The following TCF24 variants were observed in gnomAD, a reference collection of about 807,000 sequenced individuals.
TCF24 encodes transcription factor 24.
In TCF24, 5 loss-of-function variants were observed where a neutral mutation model predicts 9.3. The ratio of observed to expected loss-of-function variants is 0.54; its 90% CI spans 0.28 to 1.13. TCF24 has a LOEUF of 1.13. Ranked by LOEUF, TCF24 falls within the 50% of genes most tolerant of loss-of-function variation. The pLI, the probability that TCF24 is intolerant of heterozygous loss-of-function variation, is 0.09. For synonymous variants in TCF24, 110 were observed against 115.8 expected (o/e 0.95, Z 0.32); for missense variants, 220 against 236.1 (o/e 0.93, Z 0.45).
chr8:66,957,417 CAAA>C (rs60795431), intron 3 of TCF24, among the ~76,000 whole-genome samples: 25 of 108,498 alleles, frequency 2.3e-4, no homozygotes, highest in Admixed American at 2.9e-4. Flanking sequence ...AACTCCATAT[CAAA>C]AAAAAAAAAA....
At chr8:66,959,496 A>G (rs1396626704) in intron 3 of TCF24, among the ~76,000 whole-genome samples, 3 of 152,238 alleles carry the variant, frequency 2.0e-5, no homozygotes, top group African/African-American at 4.8e-5. Context: ...AATTATGTAC[A>G]TAACATCTCT....
rs548118608 is a variant in TCF24 at position 66,961,460 on chromosome 8, G to C, written c.306C>G (p.Thr102=). 8 of 1,528,604 alleles carry C rather than the reference G, an allele frequency of 5.2e-6. 1 individual carries two copies. The Admixed American group carries it at 1.4e-4, about 26-fold the overall frequency. The allele number at this position is 1,528,604 out of a possible 1,614,324, so 94.7% of individuals were successfully genotyped here. The part of the protein sequence containing the change: ...LLATTYIAHL[T]RSLQDDAEAP... ...CCTCGGCGTCGTCCTGCAGGCTGCG[G>C]GTGAGATGCGCGATGTAGGTGGTGG... Residue 102 remains threonine, a synonymous_variant, in exon 3 of 4, where the codon ACC becomes ACG. Transcript: ENST00000563496.
At position 66,961,635 on chromosome 8, in the gene TCF24, C is replaced by G. The variant is rs998913206; in HGVS notation, c.131G>C (p.Arg44Pro). 1 of 1,257,316 alleles carries G rather than the reference C, an allele frequency of 8.0e-7. No homozygotes were observed. 77.9% of individuals were successfully genotyped at this position (1,257,316 alleles called of 1,614,324 possible). Reference protein sequence around the residue: ...PGPAGPGGGSRSGSGRPAAAN... With the variant: ...PGPAGPGGGSPSGSGRPAAAN... Reference sequence around the variant, plus strand: ...CGCCGCCGGCCGCCCGCTCCCGGAACGCGAGCCGCCCCCAGGGCCCGCCGG... The same window carrying G: ...CGCCGCCGGCCGCCCGCTCCCGGAAGGCGAGCCGCCCCCAGGGCCCGCCGG... Residue 44 changes from arginine to proline, a missense_variant, in exon 3 of 4, where the codon CGT becomes CCT. Physicochemically the swap from Arg to Pro is moderately radical, Grantham distance 103 (BLOSUM62 -2). Transcript: ENST00000563496.
At position 66,946,788 on chromosome 8, in the gene TCF24, A is replaced by G. The variant is rs368829325; in HGVS notation, c.*1263T>C. On this transcript the variant is annotated 3_prime_UTR_variant, in exon 4 of 4. Transcript: ENST00000563496. The stretch of plus-strand genomic sequence containing the variant: ...TAACTATTTAACAGGATGACTTAGA[A>G]ATCTAATTATTCAACACATAGTTTT... The G allele has an allele frequency of 7.9e-5, 12 of 152,356 alleles. No individual in the cohort carries two copies. The highest frequency in any genetic ancestry group is 2.9e-4 in the African/African-American group (12 of 41,590). 9.4% of individuals were successfully genotyped at this position (152,356 alleles called of 1,614,324 possible).
At chr8:66,954,343 A>G (rs1321917342) in intron 3 of TCF24, among the ~76,000 whole-genome samples, 2 of 151,208 alleles carry the variant, frequency 1.3e-5, no homozygotes, top group Non-Finnish European at 2.9e-5. Context: ...GTCTGTTGGA[A>G]TACCCTGCCG....
At chr8:66,955,945 T>C (rs968432235) in intron 3 of TCF24, among the ~76,000 whole-genome samples, 19 of 152,282 alleles carry the variant, frequency 1.2e-4, no homozygotes, top group African/African-American at 4.6e-4. Context: ...ATTATTTTTT[T>C]TTATGAGACA....
chr8:66,956,921 C>A (rs535945802), intron 3 of TCF24, among the ~76,000 whole-genome samples: 1 of 151,594 alleles, frequency 6.6e-6, no homozygotes, highest in Non-Finnish European at 1.5e-5. Flanking sequence ...AGAGGAGAAT[C>A]GGGCCGGGGG....
chr8:66,961,361 G>A lies in TCF24; in HGVS notation c.390+15C>T. ...GGTCTCGGCCCCAGCCCCGCGGTGC[G>A]CCCCGCCCGCTTACCTTGACCGGGT... is the stretch of plus-strand genomic sequence containing the variant. On this transcript the variant is annotated intron_variant, in intron 3 of 3. Transcript: ENST00000563496. 1 of 1,451,956 alleles carries A rather than the reference G, an allele frequency of 6.9e-7. No individual in the cohort carries two copies. Among genetic ancestry groups the A allele is most frequent in the Non-Finnish European group, 9.0e-7 (1 of 1,108,972 alleles). The allele number at this position is 1,451,956 out of a possible 1,614,324, so 89.9% of individuals were successfully genotyped here. A position where few individuals can be genotyped will look rare whatever the true frequency, so the allele number is the denominator to read the frequency against.
intron 3 of TCF24, 113 bp downstream of exon 3, chr8:66,961,263 T>C: frequency 7.8e-7 from 1 of 1,284,374 alleles, no homozygotes; most frequent in Non-Finnish European, 9.9e-7. Flanking sequence ...CCCGGTCGGC[T>C]TCCCGCCTCA....
chr8:66,955,369 A>G (rs1477173042), intron 3 of TCF24, among the ~76,000 whole-genome samples: 1 of 151,042 alleles, frequency 6.6e-6, no homozygotes, highest in Non-Finnish European at 1.5e-5. Flanking sequence ...TTTTTTTACT[A>G]CAGAGAGGGA....
chr8:66,950,513 G>A (rs1314609623), intron 3 of TCF24, among the ~76,000 whole-genome samples: 1 of 152,134 alleles, frequency 6.6e-6, no homozygotes, highest in Non-Finnish European at 1.5e-5. Flanking sequence ...ATAGTTTGAA[G>A]TCAGGTAGTG....
At chr8:66,957,382 A>G (rs1814175016) in intron 3 of TCF24, among the ~76,000 whole-genome samples, 1 of 145,244 alleles carries the variant, frequency 6.9e-6, no homozygotes, top group Non-Finnish European at 1.5e-5. Context: ...ACACCACTGC[A>G]CTCCAGCTTA....
At chr8:66,951,400 A>T (rs1192153125) in intron 3 of TCF24, among the ~76,000 whole-genome samples, 1 of 140,922 alleles carries the variant, frequency 7.1e-6, no homozygotes, top group Non-Finnish European at 1.5e-5. Context: ...ACATTTATTG[A>T]TTTGCGTATA....
Position 66,947,359 on chromosome 8 carries a change from A to G in TCF24, c.*692T>C, listed in dbSNP as rs1813980313. 1 of 152,208 alleles carries G rather than the reference A, an allele frequency of 6.6e-6. No individual in the cohort carries two copies. Among genetic ancestry groups the G allele is most frequent in the Non-Finnish European group, 1.5e-5 (1 of 68,076 alleles). 9.4% of individuals were successfully genotyped at this position (152,208 alleles called of 1,614,324 possible). A position where few individuals can be genotyped will look rare whatever the true frequency, so the allele number is the denominator to read the frequency against. On this transcript the variant is annotated 3_prime_UTR_variant, in exon 4 of 4. Coordinates refer to ENST00000563496, the MANE Select transcript of TCF24 (RefSeq NM_001193502.2). ...TAGCCAGGTGTGGTGACATGCACCT[A>G]CATTGTGAACTCTGCTGTCCGCTGA...
intron 3 of TCF24, among the ~76,000 whole-genome samples, chr8:66,951,634 T>G (rs891272776): frequency 1.1e-4 from 17 of 152,248 alleles, no homozygotes; most frequent in South Asian, 6.2e-4. Context: ...GGATTCCCTC[T>G]TTTTCTGTTG....
rs1563404451 is a variant in TCF24, at chr8:66,948,197, GTTA to G, written c.391-36_391-34del. On this transcript the variant is annotated intron_variant, in intron 3 of 3. Coordinates refer to ENST00000563496, the MANE Select transcript of TCF24 (RefSeq NM_001193502.2). ...AGATTATTTCAACAAGAATTCAAAA[GTTA>G]GTATCTATGACATATATTAACATGG... is the stretch of plus-strand genomic sequence containing the variant. 4.1e-6 allele frequency: 6 copies of G among 1,475,264 alleles called. No individual in the cohort carries two copies. The Admixed American group carries it at 6.3e-5, about 15-fold the overall frequency. 91.4% of individuals were successfully genotyped at this position (1,475,264 alleles called of 1,614,324 possible). A position where few individuals can be genotyped will look rare whatever the true frequency, so the allele number is the denominator to read the frequency against.
At chr8:66,950,488 C>CTG (rs1311459655) in intron 3 of TCF24, among the ~76,000 whole-genome samples, 11 of 152,154 alleles carry the variant, frequency 7.2e-5, no homozygotes, top group African/African-American at 2.4e-4. Context: ...GTTTTGGTTA[C>CTG]TGTAGCCTTG....
chr8:66,960,539 A>C (rs1008601439), intron 3 of TCF24, among the ~76,000 whole-genome samples: 2 of 152,176 alleles, frequency 1.3e-5, no homozygotes, highest in Non-Finnish European at 1.5e-5. Flanking sequence ...AATCAGTGTA[A>C]GGTTTCAAAA....
Position 66,946,578 on chromosome 8 carries a change from C to T in TCF24, c.*1473G>A, listed in dbSNP as rs986155554. On this transcript the variant is annotated 3_prime_UTR_variant, in exon 4 of 4. Coordinates refer to ENST00000563496, the MANE Select transcript of TCF24 (RefSeq NM_001193502.2). ...ACCATTAAAGCATTAAAAGAGCATG[C>T]TCTTTTGAATCTGAGTGAAAATATG... is the stretch of plus-strand genomic sequence containing the variant. The T allele has an allele frequency of 1.3e-5, 2 of 152,060 alleles. No homozygotes were observed. The highest frequency in any genetic ancestry group is 2.9e-5 in the Non-Finnish European group (2 of 67,996). The allele number at this position is 152,060 out of a possible 1,614,324, so 9.4% of individuals were successfully genotyped here. A position where few individuals can be genotyped will look rare whatever the true frequency, so the allele number is the denominator to read the frequency against.
Sources: allele counts gnomAD v4.1 joint callset (sites outside exome capture counted in the v4.1 genomes callset), GRCh38; gene constraint gnomAD v4.1.1; transcripts MANE v1.5; gene names NCBI Gene and HGNC (gene_info 2026-07-23, HGNC 2026-07-21).